The following WDPCP variants were observed in gnomAD, a reference collection of about 807,000 sequenced individuals.
The protein encoded by WDPCP is WD repeat-containing and planar cell polarity effector protein fritz homolog.
A neutral mutation model predicts 93.1 loss-of-function variants in WDPCP; 71 were observed. The observed-to-expected ratio is 0.76, with a 90% CI of 0.63 to 0.93. The LOEUF (loss-of-function observed/expected upper bound fraction) is 0.93. Among genes scored for constraint, WDPCP ranks in the 40% least tolerant of loss-of-function variants. The probability of loss-of-function intolerance (pLI) is 0.00; values close to 1 mark genes in which losing one functional copy is unlikely to be tolerated. For synonymous variants in WDPCP, 315 were observed against 315.0 expected, an observed-to-expected ratio of 1.00 and a Z score of 0.00; for missense variants, 844 against 887.4, an observed-to-expected ratio of 0.95 and a Z score of 0.62.
At chr2:63,558,858 G>C (rs1250365227) in intron 1 of WDPCP, among the ~76,000 whole-genome samples, 2 of 152,174 alleles carry the variant, frequency 1.3e-5, no homozygotes, top group Non-Finnish European at 2.9e-5. Flanking sequence ...CAGGTACAAA[G>C]AGGAACTAGT....
rs1374797094 is a variant in WDPCP at position 63,174,757 on chromosome 2, T to A, written c.1991A>T (p.Glu664Val). The change falls in exon 15 of 18, where the codon GAA (glutamate) becomes GTA (valine). Residue 664 changes from glutamate to valine, a missense_variant. Transcript: ENST00000272321. ...FIGLSLAPQGEDSFPDNLPPS... is the reference protein window; with the variant it reads ...FIGLSLAPQGVDSFPDNLPPS... ...AGGGAGGTTATCTGGAAATGAGTCTTCTCCTTGAGGTGCTAAAGACAGGCC... is the reference window on the plus strand; with the variant it reads ...AGGGAGGTTATCTGGAAATGAGTCTACTCCTTGAGGTGCTAAAGACAGGCC... 1.9e-6 allele frequency: 3 copies of A among 1,613,842 alleles called. No individual in the cohort carries two copies. In the Admixed American group the frequency reaches 5.0e-5, roughly 27 times the overall value.
intron 2 of WDPCP, among the ~76,000 whole-genome samples, chr2:63,795,430 G>A (rs1451505010): frequency 1.3e-5 from 2 of 151,684 alleles, no homozygotes; most frequent in African/African-American, 4.8e-5. Context: ...ACTTGAGAGG[G>A]TGAGGCAGGA....
chr2:63,640,619 G>T (rs1387669728), intron 3 of WDPCP, among the ~76,000 whole-genome samples: 1 of 152,058 alleles, frequency 6.6e-6, no homozygotes, highest in East Asian at 1.9e-4. Flanking sequence ...AACATATTGT[G>T]GCACATCCAT....
chr2:63,470,930 G>A (rs775526234), intron 6 of WDPCP, among the ~76,000 whole-genome samples: 2 of 152,092 alleles, frequency 1.3e-5, no homozygotes, highest in Non-Finnish European at 2.9e-5. Context: ...TCTTCCGCAG[G>A]TATCTTCCAT....
At chr2:63,204,870 TC>T (rs1043748022) in intron 14 of WDPCP, among the ~76,000 whole-genome samples, 1 of 152,194 alleles carries the variant, frequency 6.6e-6, no homozygotes, top group African/African-American at 2.4e-5. Context: ...ATCCCATTTG[TC>T]CATTTTTGCT....
the WDPCP span, among the ~76,000 whole-genome samples, chr2:63,840,042 C>T: frequency 6.6e-6 from 1 of 152,214 alleles, no homozygotes; most frequent in Non-Finnish European, 1.5e-5. Context: ...TCTCACTTTA[C>T]CTTGGTTGAT....
intron 6 of WDPCP, among the ~76,000 whole-genome samples, chr2:63,479,769 C>A (rs1342322126): frequency 6.6e-5 from 10 of 151,930 alleles, no homozygotes; most frequent in Middle Eastern, 6.8e-3. Context: ...GGATGCTGAC[C>A]CTCAACACTT....
chr2:63,644,631 T>G (rs1710027801), intron 3 of WDPCP, among the ~76,000 whole-genome samples: 1 of 152,200 alleles, frequency 6.6e-6, no homozygotes, highest in Non-Finnish European at 1.5e-5. Context: ...TTGGAGCCAT[T>G]GGGTCCTGGG....
At chr2:63,681,666 G>A (rs1710492054) in intron 2 of WDPCP, among the ~76,000 whole-genome samples, 1 of 152,160 alleles carries the variant, frequency 6.6e-6, no homozygotes, top group African/African-American at 2.4e-5. Context: ...GCTGATTGTA[G>A]AGCCCCAAGG....
At chr2:63,166,275 C>T (rs1364559614) in intron 15 of WDPCP, among the ~76,000 whole-genome samples, 1 of 151,986 alleles carries the variant, frequency 6.6e-6, no homozygotes, top group Non-Finnish European at 1.5e-5. Context: ...CCATGTTGGC[C>T]AGGCTGGTCT....
chr2:63,427,403 T>G (rs549294228), intron 9 of WDPCP, among the ~76,000 whole-genome samples: 1 of 152,238 alleles, frequency 6.6e-6, no homozygotes, highest in African/African-American at 2.4e-5. Flanking sequence ...TTGGACTACA[T>G]TGCAATAAAA....
At chr2:63,577,764 A>G (rs1708213301) in intron 1 of WDPCP, among the ~76,000 whole-genome samples, 1 of 152,222 alleles carries the variant, frequency 6.6e-6, no homozygotes, top group Non-Finnish European at 1.5e-5. Context: ...GAATATTTGA[A>G]CAGCAAACAC....
At position 63,120,056 on chromosome 2, in the gene WDPCP, A is replaced by G. The variant is rs1314740901; in HGVS notation, c.*1950T>C. Among the ~76,000 whole-genome samples, 2 of 152,204 alleles carry G rather than the reference A, an allele frequency of 1.3e-5. No homozygotes were observed. Among genetic ancestry groups the G allele is most frequent in the African/African-American group, 4.8e-5 (2 of 41,452 alleles). ...TTCATTATTATTATCATTATGTAGA[A>G]AAACATAGATGTATCAATATCCATA... On this transcript the variant is annotated 3_prime_UTR_variant, in exon 18 of 18. Transcript: ENST00000272321.
chr2:63,398,061 A>AG (rs1349905925), intron 10 of WDPCP, among the ~76,000 whole-genome samples: 5 of 152,188 alleles, frequency 3.3e-5, no homozygotes, highest in African/African-American at 1.2e-4. Context: ...TGGTGGCGCT[A>AG]GTCTTGGACA....
intron 2 of WDPCP, among the ~76,000 whole-genome samples, chr2:63,791,331 T>A (rs1359282384): frequency 6.6e-6 from 1 of 152,214 alleles, no homozygotes; most frequent in Admixed American, 6.5e-5. Context: ...TCAGTTTCTA[T>A]CACTGCTCCA....
At chr2:63,400,648 T>C (rs1694079742) in intron 10 of WDPCP, among the ~76,000 whole-genome samples, 1 of 152,126 alleles carries the variant, frequency 6.6e-6, no homozygotes, top group Non-Finnish European at 1.5e-5. Context: ...TTACTTTAAA[T>C]TTCATATGGA....
At chr2:63,241,569 T>C (rs1679861274) in intron 14 of WDPCP, among the ~76,000 whole-genome samples, 2 of 152,152 alleles carry the variant, frequency 1.3e-5, no homozygotes, top group African/African-American at 4.8e-5. Context: ...ATAGAATTTT[T>C]ATATATGTTT....
chr2:63,478,763 G>A (rs1040977560), intron 6 of WDPCP, among the ~76,000 whole-genome samples: 1 of 151,812 alleles, frequency 6.6e-6, no homozygotes, highest in Non-Finnish European at 1.5e-5. Context: ...CACACCTCAA[G>A]GAACTAGAGA....
intron 1 of WDPCP, among the ~76,000 whole-genome samples, chr2:63,495,446 A>G (rs899152206): frequency 1.3e-5 from 2 of 152,220 alleles, no homozygotes; most frequent in Admixed American, 1.3e-4. Flanking sequence ...TAACTAAAAT[A>G]CTTACTGTAT....
Sources: gnomAD v4.1 joint callset for allele counts (sites outside exome capture counted in the v4.1 genomes callset) on GRCh38, gnomAD v4.1.1 for gene constraint, MANE v1.5 for transcripts, NCBI Gene and HGNC (gene_info 2026-07-23, HGNC 2026-07-21) for gene names.